The following BCAR1 variants were observed in gnomAD, a reference collection of about 807,000 sequenced individuals.
BCAR1 encodes breast cancer anti-estrogen resistance protein 1.
BCAR1 carries 30 observed loss-of-function variants against 67.6 expected under a neutral mutation model. The ratio of observed to expected loss-of-function variants is 0.44; its 90% CI spans 0.33 to 0.60. The LOEUF (loss-of-function observed/expected upper bound fraction) is 0.60. BCAR1 is among the 20% of genes least tolerant of loss of function. The probability of loss-of-function intolerance (pLI) is 0.02; values close to 1 mark genes in which losing one functional copy is unlikely to be tolerated. For missense variants in BCAR1, 1,313 were observed against 1,222.3 expected (o/e 1.07, Z -1.11); for synonymous variants, 626 against 556.7 (o/e 1.12, Z -1.75).
At chr16:75,257,027 GA>G (rs1173569726) in intron 1 of BCAR1, among the ~76,000 whole-genome samples, 15 of 152,332 alleles carry the variant, frequency 9.8e-5, no homozygotes, top group African/African-American at 3.1e-4. Context: ...AGGGGGAAGA[GA>G]GGGGCTCAGT....
chr16:75,237,374 C>G, intron 2 of BCAR1, 30 bp from the exon 3 acceptor site: 2 of 1,438,956 alleles, frequency 1.4e-6, no homozygotes, highest in South Asian at 3.1e-5. Context: ...TTCACTGCTG[C>G]CCTCAAACCA....
chr16:75,234,779 G>A (rs961807025), intron 5 of BCAR1, 110 bp downstream of exon 5: 2 of 1,443,270 alleles, frequency 1.4e-6, no homozygotes, highest in Non-Finnish European at 1.8e-6. Flanking sequence ...AGTGAGAGGA[G>A]GGTGCAGGGC....
At chr16:75,263,928 C>T in intron 1 of BCAR1, 5 of 1,090,190 alleles carry the variant, frequency 4.6e-6, no homozygotes, top group Non-Finnish European at 5.6e-6. Context: ...ACACACTGCC[C>T]AAGGTCCCAG....
chr16:75,250,540 G>C (rs181172016), intron 1 of BCAR1: 2 of 736,706 alleles, frequency 2.7e-6, no homozygotes, highest in Non-Finnish European at 3.3e-6. Flanking sequence ...TCTCAGGAGG[G>C]AACGGGAGCC....
At chr16:75,234,150 GGGGC>G (rs1187330460) in intron 5 of BCAR1, among the ~76,000 whole-genome samples, 1 of 135,732 alleles carries the variant, frequency 7.4e-6, no homozygotes, top group Non-Finnish European at 1.6e-5. Context: ...GGCACGTGCA[GGGGC>G]AGGCAGACAG....
rs1224673996 is a variant in BCAR1 at position 75,229,965 on chromosome 16, G to C, written c.2159C>G (p.Ala720Gly). ...CAGGGGTTGGGCTGGCGTCCAGTTG[G>C]CCAGGTCGTGGTCTATGGGCCGTGA... is the stretch of plus-strand genomic sequence containing the variant. ...EVSRPIDHDL[A>G]NWTPAQPLAP... Residue 720 changes from alanine to glycine, a missense_variant, in exon 7 of 7, where the codon GCC becomes GGC. Ala to Gly is a moderately conservative substitution (Grantham distance 60). Coordinates refer to ENST00000162330, the MANE Select transcript of BCAR1 (RefSeq NM_014567.5). The C allele has an allele frequency of 1.3e-6, 2 of 1,591,834 alleles. No homozygotes were observed. Among genetic ancestry groups the C allele is most frequent in the Non-Finnish European group, 1.7e-6 (2 of 1,166,688 alleles).
intron 1 of BCAR1, chr16:75,264,571 C>T (rs186362338): frequency 1.5e-6 from 2 of 1,356,074 alleles, no homozygotes; most frequent in Non-Finnish European, 1.9e-6. Flanking sequence ...GGGCTCACAT[C>T]AGCACAGTCT....
At chr16:75,233,123 G>C (rs2151394425) in intron 6 of BCAR1, among the ~76,000 whole-genome samples, 1 of 152,288 alleles carries the variant, frequency 6.6e-6, no homozygotes, top group Non-Finnish European at 1.5e-5. Flanking sequence ...TATAATCCCA[G>C]CACTTTGGGA....
intron 1 of BCAR1, chr16:75,265,118 G>C (rs964490215): frequency 2.0e-5 from 3 of 152,424 alleles, no homozygotes; most frequent in African/African-American, 7.2e-5. Context: ...CCAGGAAGAG[G>C]GGGTGTCGGA....
intron 1 of BCAR1, among the ~76,000 whole-genome samples, chr16:75,262,656 A>G (rs2077930329): frequency 6.6e-6 from 1 of 152,106 alleles, no homozygotes; most frequent in Non-Finnish European, 1.5e-5. Context: ...GGCAGGCCTC[A>G]TGGCTCCTTG....
chr16:75,236,059 G>A, intron 4 of BCAR1, 73 bp from the exon 5 acceptor site: 2 of 1,443,366 alleles, frequency 1.4e-6, no homozygotes, highest in Non-Finnish European at 1.8e-6. Flanking sequence ...GCAGCACCCA[G>A]CCACACACAC....
chr16:75,239,516 G>A (rs2077263708), intron 2 of BCAR1, among the ~76,000 whole-genome samples: 1 of 152,186 alleles, frequency 6.6e-6, no homozygotes, highest in Admixed American at 6.5e-5. Flanking sequence ...GTGTCAGGTC[G>A]GAGGAAGGGG....
At chr16:75,256,919 G>C (rs1257478926) in intron 1 of BCAR1, among the ~76,000 whole-genome samples, 1 of 152,220 alleles carries the variant, frequency 6.6e-6, no homozygotes, top group African/African-American at 2.4e-5. Context: ...TGTGCAGTGA[G>C]GAGGGGCCAT....
At chr16:75,255,233 C>T (rs2077748447), upstream of BCAR1, among the ~76,000 whole-genome samples, 2 of 152,200 alleles carry the variant, frequency 1.3e-5, no homozygotes, top group Non-Finnish European at 1.5e-5. Context: ...CAGCCCCCTC[C>T]CCTCCTGAAG....
chr16:75,238,809 G>A (rs1402106705), intron 2 of BCAR1: 1 of 985,454 alleles, frequency 1.0e-6, no homozygotes, highest in African/African-American at 1.7e-5. Flanking sequence ...CCAACAGCGG[G>A]GCAGGCGGGG....
At chr16:75,257,890 T>A (rs1370001968) in intron 1 of BCAR1, among the ~76,000 whole-genome samples, 1 of 152,178 alleles carries the variant, frequency 6.6e-6, no homozygotes, top group African/African-American at 2.4e-5. Context: ...TCGCCCAGGC[T>A]TAGACTAGAG....
chr16:75,236,381 A>G (rs1289064420), intron 4 of BCAR1: 2 of 318,212 alleles, frequency 6.3e-6, no homozygotes, highest in Middle Eastern at 8.5e-4. Context: ...CACCACCATC[A>G]TATCATGATT....
intron 1 of BCAR1, chr16:75,264,297 C>T (rs1302093362): frequency 7.1e-7 from 1 of 1,416,756 alleles, no homozygotes; most frequent in South Asian, 1.5e-5. Flanking sequence ...GAGGCCCGCC[C>T]AGGCTGGGAT....
intron 1 of BCAR1, chr16:75,246,619 C>T (rs2077530866): frequency 1.3e-5 from 2 of 152,422 alleles, no homozygotes; most frequent in East Asian, 1.9e-4. Flanking sequence ...CCGCAGACTC[C>T]ATGGATGATG....
Sources: gnomAD v4.1 joint callset for allele counts (sites outside exome capture counted in the v4.1 genomes callset) on GRCh38, gnomAD v4.1.1 for gene constraint, MANE v1.5 for transcripts, NCBI Gene and HGNC (gene_info 2026-07-23, HGNC 2026-07-21) for gene names.